The following LRRC8D variants were observed in gnomAD, a reference collection of about 807,000 sequenced individuals.
LRRC8D encodes the protein leucine rich repeat containing 8 VRAC subunit D, also known as volume-regulated anion channel subunit LRRC8D.
LRRC8D carries 20 observed loss-of-function variants against 55.8 expected under a neutral mutation model. That is an observed-to-expected ratio of 0.36 (90% CI 0.25 to 0.52). LRRC8D has a LOEUF of 0.52. Ranked by LOEUF, LRRC8D falls within the 20% of genes least tolerant of loss-of-function variation. LRRC8D has a pLI of 0.93. For missense variants in LRRC8D, 651 were observed against 1,030.8 expected, an observed-to-expected ratio of 0.63 and a Z score of 5.05; for synonymous variants, 352 against 377.0, an observed-to-expected ratio of 0.93 and a Z score of 0.77.
rs1474419384 is a variant in LRRC8D, at chr1:89,824,961, G to A, written c.-148+3670G>A. Among the ~76,000 whole-genome samples the A allele has an allele frequency of 3.3e-5, 5 of 152,230 alleles. No homozygotes were observed. In the South Asian group the frequency reaches 1.0e-3, roughly 32 times the overall value. ...TTCTTTATTAGATAATCATGTTTTGGATAGTCAAAACCCCCAGATATTTGC... is the reference window on the plus strand; with the variant it reads ...TTCTTTATTAGATAATCATGTTTTGAATAGTCAAAACCCCCAGATATTTGC... On this transcript the variant is annotated intron_variant, in intron 1 of 2. Transcript: ENST00000337338.
chr1:89,851,982 G>A (rs1251914158), intron 2 of LRRC8D, among the ~76,000 whole-genome samples: 1 of 147,208 alleles, frequency 6.8e-6, no homozygotes, highest in Non-Finnish European at 1.5e-5. Context: ...ATAGGATTAC[G>A]TAGATAATAG....
At chr1:89,902,261 G>A (rs1053552769) in intron 2 of LRRC8D, among the ~76,000 whole-genome samples, 2 of 152,362 alleles carry the variant, frequency 1.3e-5, no homozygotes, top group African/African-American at 4.8e-5. Flanking sequence ...AAGTTTAACC[G>A]TATTAACAAA....
intron 2 of LRRC8D, among the ~76,000 whole-genome samples, chr1:89,848,566 CTTTA>C (rs1383972381): frequency 2.0e-5 from 3 of 152,020 alleles, no homozygotes; most frequent in African/African-American, 7.3e-5. Context: ...CATGAAGTTC[CTTTA>C]TTTGTTAAAA....
rs1347644547 is a variant in LRRC8D, at chr1:89,933,800, A to C, written c.732A>C (p.Glu244Asp). ...LPKHVSTSSD[E>D]GSPSASTPMI... is the part of the protein sequence containing the mutation. ...AGCATGTTTCTACCAGCAGTGATGA[A>C]GGGAGCCCCAGTGCCAGTACACCAA... The change falls in exon 3 of 3, where the codon GAA becomes GAC. Residue 244 changes from glutamate to aspartate, a missense_variant. Coordinates refer to ENST00000337338, the MANE Select transcript of LRRC8D (RefSeq NM_001134479.2). This position sits in a 1 kb window ranked among gnomAD's most constrained non-coding sequence, Gnocchi z 7.0. 2.5e-6 allele frequency: 4 copies of C among 1,614,184 alleles called. No homozygotes were observed. Among genetic ancestry groups the C allele is most frequent in the Non-Finnish European group, 3.4e-6 (4 of 1,180,018 alleles).
intron 2 of LRRC8D, among the ~76,000 whole-genome samples, chr1:89,865,907 C>G (rs1332738435): frequency 4.6e-5 from 7 of 152,198 alleles, no homozygotes; most frequent in Non-Finnish European, 1.0e-4. Context: ...TTTCAGCATG[C>G]AGCCAAGTGT....
chr1:89,847,890 C>G (rs1661319332), intron 2 of LRRC8D, among the ~76,000 whole-genome samples: 1 of 152,146 alleles, frequency 6.6e-6, no homozygotes, highest in Non-Finnish European at 1.5e-5. Flanking sequence ...TAAAATAGCA[C>G]TGCATGTATA....
At position 89,857,633 on chromosome 1, in the gene LRRC8D, T is replaced by C. The variant is rs1661593089; in HGVS notation, c.-3+13851T>C. ...ACCTTGAGATAAGCACATTATCCCA[T>C]AATTACTTGCACTCCACTAGTGGGA... On this transcript the variant is annotated intron_variant, in intron 2 of 2. Coordinates refer to ENST00000337338, the MANE Select transcript of LRRC8D (RefSeq NM_001134479.2). Among the ~76,000 whole-genome samples the C allele has an allele frequency of 2.0e-5, 3 of 152,170 alleles. No individual in the cohort carries two copies. In the South Asian group the frequency reaches 6.2e-4, roughly 31 times the overall value.
chr1:89,916,890 G>A (rs915930494), intron 2 of LRRC8D, among the ~76,000 whole-genome samples: 2 of 152,144 alleles, frequency 1.3e-5, no homozygotes. Context: ...TTCAACATTA[G>A]ACTGGGTGGT....
intron 2 of LRRC8D, among the ~76,000 whole-genome samples, chr1:89,859,826 C>T (rs1025510396): frequency 4.6e-5 from 7 of 152,202 alleles, no homozygotes; most frequent in African/African-American, 2.4e-5. Context: ...TAGAGCAGTG[C>T]ATTGACAGAG....
At chr1:89,837,011 G>A (rs1418921430) in intron 1 of LRRC8D, among the ~76,000 whole-genome samples, 1 of 152,128 alleles carries the variant, frequency 6.6e-6, no homozygotes, top group East Asian at 1.9e-4. Context: ...AACTTGTGTG[G>A]TTCTTGGAAC....
At chr1:89,824,079 G>A (rs1382618458) in intron 1 of LRRC8D, among the ~76,000 whole-genome samples, 1 of 152,166 alleles carries the variant, frequency 6.6e-6, no homozygotes, top group Non-Finnish European at 1.5e-5. Context: ...ATCATAGCGA[G>A]GTGGCAGGTG....
chr1:89,897,762 TGA>T (rs934931075), intron 2 of LRRC8D, among the ~76,000 whole-genome samples: 28 of 152,334 alleles, frequency 1.8e-4, no homozygotes, highest in Admixed American at 5.2e-4. Context: ...TAGTTTGCTC[TGA>T]GAGAGGACAC....
intron 2 of LRRC8D, among the ~76,000 whole-genome samples, chr1:89,902,604 T>C (rs1324740061): frequency 1.3e-5 from 2 of 152,022 alleles, no homozygotes; most frequent in African/African-American, 4.8e-5. Flanking sequence ...TGACACCATC[T>C]TGGCTCACTG....
intron 2 of LRRC8D, among the ~76,000 whole-genome samples, chr1:89,931,760 A>AAAAT (rs1008916758): frequency 2.6e-5 from 4 of 152,026 alleles, no homozygotes; most frequent in African/African-American, 9.7e-5. Context: ...CTCTGTCTCA[A>AAAAT]AAATAAATAA....
At chr1:89,842,308 C>G (rs1455013386) in intron 1 of LRRC8D, among the ~76,000 whole-genome samples, 1 of 151,792 alleles carries the variant, frequency 6.6e-6, no homozygotes, top group Non-Finnish European at 1.5e-5. Context: ...GACCTGTATT[C>G]AGTTCTCCAT....
chr1:89,823,931 G>A (rs1557437400), intron 1 of LRRC8D, among the ~76,000 whole-genome samples: 2 of 152,144 alleles, frequency 1.3e-5, no homozygotes, highest in East Asian at 1.9e-4. Flanking sequence ...AATAAAGGAG[G>A]GTAGAGGGAA....
intron 1 of LRRC8D, among the ~76,000 whole-genome samples, chr1:89,837,097 A>G (rs955357093): frequency 1.3e-5 from 2 of 152,228 alleles, no homozygotes; most frequent in Non-Finnish European, 2.9e-5. Flanking sequence ...ATCAAAGTAC[A>G]TGGGTTCACT....
chr1:89,921,935 T>C (rs1663430145), intron 2 of LRRC8D, among the ~76,000 whole-genome samples: 1 of 152,204 alleles, frequency 6.6e-6, no homozygotes, highest in African/African-American at 2.4e-5. Flanking sequence ...GAATATATGT[T>C]TTCTAGCAGT....
intron 2 of LRRC8D, among the ~76,000 whole-genome samples, chr1:89,848,035 C>T (rs1428735728): frequency 1.3e-5 from 2 of 152,080 alleles, no homozygotes; most frequent in Non-Finnish European, 2.9e-5. Context: ...AATATGTTAG[C>T]CATCAGATTA....
Sources: allele counts gnomAD v4.1 joint callset (sites outside exome capture counted in the v4.1 genomes callset), GRCh38; gene constraint gnomAD v4.1.1; non-coding constraint Gnocchi (gnomAD v3.1); transcripts MANE v1.5; gene names NCBI Gene and HGNC (gene_info 2026-07-23, HGNC 2026-07-21).